BCR: variants seen among roughly 807,000 people sequenced by gnomAD.
The protein encoded by BCR is BCR activator of RhoGEF and GTPase.
In BCR, 58 loss-of-function variants were observed where a neutral mutation model predicts 138.6. The observed-to-expected ratio is 0.42, with a 90% confidence interval of 0.34 to 0.52. The LOEUF is 0.52. Among genes scored for constraint, BCR ranks in the 20% least tolerant of loss-of-function variants. The probability of loss-of-function intolerance (pLI) is 0.06; values close to 1 mark genes in which losing one functional copy is unlikely to be tolerated. For missense variants in BCR, 1,599 were observed against 1,727.2 expected (o/e 0.93, Z 1.32); for synonymous variants, 786 against 730.1 (o/e 1.08, Z -1.23).
chr22:23,257,046 G>A (rs921699972), intron 2 of BCR, among the ~76,000 whole-genome samples: 5 of 151,822 alleles, frequency 3.3e-5, no homozygotes, highest in Admixed American at 1.3e-4. Context: ...CTGCATTCAC[G>A]TCCTTTCCCA....
At position 23,181,131 on chromosome 22, in the gene BCR, C is replaced by T. The variant is rs952644575; in HGVS notation, c.171C>T (p.Ile57=). 5 of 1,492,888 alleles carry T rather than the reference C, an allele frequency of 3.3e-6. No individual in the cohort carries two copies. Among genetic ancestry groups the T allele is most frequent in the African/African-American group, 2.9e-5 (2 of 69,864 alleles). 92.5% of individuals were successfully genotyped at this position (1,492,888 alleles called of 1,614,324 possible). The change falls in exon 1 of 23, where the codon ATC becomes ATT. Residue 57 remains isoleucine (I), a synonymous_variant. Coordinates refer to ENST00000305877, the MANE Select transcript of BCR (RefSeq NM_004327.4). ...QEVNQERFRM[I]YLQTLLAKEK... ...TGAACCAGGAGCGCTTCCGCATGATCTACCTGCAGACGTTGCTGGCCAAGG... is the reference window on the plus strand; with the variant it reads ...TGAACCAGGAGCGCTTCCGCATGATTTACCTGCAGACGTTGCTGGCCAAGG...
rs1555958114 is a variant in BCR, at chr22:23,180,591, C to CG, written c.-370_-369insG. 36 of 27,554 alleles carry CG rather than the reference C, an allele frequency of 1.3e-3. No individual in the cohort carries two copies. Among genetic ancestry groups the CG allele is most frequent in the African/African-American group, 8.3e-3 (5 of 604 alleles). 1.7% of individuals were successfully genotyped at this position (27,554 alleles called of 1,614,324 possible). A position where few individuals can be genotyped will look rare whatever the true frequency, so the allele number is the denominator to read the frequency against. On this transcript the variant is annotated 5_prime_UTR_variant, in exon 1 of 23. Coordinates refer to ENST00000305877, the MANE Select transcript of BCR (RefSeq NM_004327.4). ...GAGGAGGCGGCGGCGGCGGCGGCGGCACGGCGGCGGCGGGGCTGTGGGGCG... is the reference window on the plus strand; with the variant it reads ...GAGGAGGCGGCGGCGGCGGCGGCGGCGACGGCGGCGGCGGGGCTGTGGGGCG...
intron 18 of BCR, 77 bp downstream of exon 18, chr22:23,310,510 T>C (rs2073995374): frequency 1.2e-5 from 9 of 732,916 alleles, no homozygotes; most frequent in Middle Eastern, 3.8e-4. Context: ...AGAGCATGTG[T>C]GGGTCTCTCC....
At chr22:23,263,205 C>T (rs1159307766) in intron 4 of BCR, 1 of 926,506 alleles carries the variant, frequency 1.1e-6, no homozygotes, top group South Asian at 1.7e-5. Context: ...GGCTGCGGGG[C>T]CAGCGCTCTG....
chr22:23,190,287 C>A (rs1349784357), intron 1 of BCR, among the ~76,000 whole-genome samples: 6 of 152,188 alleles, frequency 3.9e-5, no homozygotes, highest in Non-Finnish European at 7.3e-5. Flanking sequence ...CCCGCCTCAG[C>A]CTTCCGAGTA....
At chr22:23,257,254 G>A (rs1249646734) in intron 2 of BCR, among the ~76,000 whole-genome samples, 9 of 152,026 alleles carry the variant, frequency 5.9e-5, no homozygotes, top group African/African-American at 1.4e-4. Context: ...ACCCCACCCC[G>A]TCCATGCCCT....
chr22:23,206,047 T>C (rs1205848946), intron 1 of BCR, among the ~76,000 whole-genome samples: 1 of 152,194 alleles, frequency 6.6e-6, no homozygotes, highest in Non-Finnish European at 1.5e-5. Flanking sequence ...CCCATGAGGA[T>C]TCTTTCCTCA....
chr22:23,314,382 G>A (rs1449641568), intron 21 of BCR, among the ~76,000 whole-genome samples, 170 bp from the exon 22 acceptor site: 3 of 152,118 alleles, frequency 2.0e-5, no homozygotes, highest in African/African-American at 7.2e-5. Context: ...CCCAGAGCTG[G>A]CTCCTTGTCC....
intron 4 of BCR, chr22:23,264,108 A>G (rs1337737584): frequency 5.9e-6 from 9 of 1,514,140 alleles, no homozygotes; most frequent in Middle Eastern, 1.7e-4. Context: ...GAAATGTGTC[A>G]TGGAGTGGGA....
chr22:23,295,188 A>G, intron 16 of BCR, 33 bp downstream of exon 16: 1 of 1,386,108 alleles, frequency 7.2e-7, no homozygotes. Context: ...CCCCTGCCCG[A>G]TGCATGGCGT....
chr22:23,183,019 C>CA (rs2072291624), intron 1 of BCR, among the ~76,000 whole-genome samples: 1 of 152,216 alleles, frequency 6.6e-6, no homozygotes, highest in Non-Finnish European at 1.5e-5. Context: ...GCTGACCCTC[C>CA]AGTGTGCTCC....
At chr22:23,257,323 T>C (rs2073305509) in intron 2 of BCR, among the ~76,000 whole-genome samples, 1 of 152,230 alleles carries the variant, frequency 6.6e-6, no homozygotes, top group African/African-American at 2.4e-5. Flanking sequence ...AGCCAGATTC[T>C]GCCTTCCTGC....
At chr22:23,214,212 T>C (rs1450693399) in intron 1 of BCR, among the ~76,000 whole-genome samples, 1 of 152,100 alleles carries the variant, frequency 6.6e-6, no homozygotes, top group Non-Finnish European at 1.5e-5. Flanking sequence ...GTTTGTTTTT[T>C]TTTTTTTGTG....
rs1490450911 is a variant in BCR, at chr22:23,261,384, C to T, written c.1596C>T (p.Thr532=). ...LPMKPLKAAA[T]TSQPVLTSQQ... ...TGAAGCCTTTGAAAGCCGCTGCCAC[C>T]ACCTCTCAGCCGGTGCTGACGAGTC... The change falls in exon 4 of 23, where the codon ACC becomes ACT. Residue 532 remains threonine, a synonymous_variant. Transcript: ENST00000305877. 6.2e-7 allele frequency: 1 copy of T among 1,613,368 alleles called. No homozygotes were observed. The highest frequency in any genetic ancestry group is 1.7e-5 in the Admixed American group (1 of 60,016).
chr22:23,209,316 C>A (rs1019438221), intron 1 of BCR, among the ~76,000 whole-genome samples: 103 of 151,332 alleles, frequency 6.8e-4, no homozygotes, highest in African/African-American at 2.3e-3. Flanking sequence ...GCCGAGATCA[C>A]GCCACTGCAC....
At chr22:23,188,063 C>T (rs2072369257) in intron 1 of BCR, among the ~76,000 whole-genome samples, 1 of 152,176 alleles carries the variant, frequency 6.6e-6, no homozygotes, top group Non-Finnish European at 1.5e-5. Context: ...AGAGAAAGGT[C>T]ACCTGGGCCT....
intron 1 of BCR, among the ~76,000 whole-genome samples, chr22:23,238,182 G>GT (rs2073047147): frequency 6.6e-6 from 1 of 152,034 alleles, no homozygotes; most frequent in African/African-American, 2.4e-5. Flanking sequence ...TTATTGTCTT[G>GT]TTTTTTAAGG....
At chr22:23,212,413 A>G (rs1055870027) in intron 1 of BCR, among the ~76,000 whole-genome samples, 5 of 152,214 alleles carry the variant, frequency 3.3e-5, no homozygotes, top group Non-Finnish European at 7.3e-5. Flanking sequence ...TGGAGTCTAT[A>G]GAGACACCCA....
chr22:23,308,220 T>G (rs950834900), intron 16 of BCR, among the ~76,000 whole-genome samples: 1 of 152,104 alleles, frequency 6.6e-6, no homozygotes, highest in African/African-American at 2.4e-5. Flanking sequence ...CAGAACTACC[T>G]GGGGTTTCTA....
Sources: gnomAD v4.1 joint callset for allele counts (sites outside exome capture counted in the v4.1 genomes callset) on GRCh38, gnomAD v4.1.1 for gene constraint, MANE v1.5 for transcripts, NCBI Gene and HGNC (gene_info 2026-07-23, HGNC 2026-07-21) for gene names.